MTBP: variants seen among roughly 807,000 people sequenced by gnomAD.
MTBP encodes the protein mdm2-binding protein.
In MTBP, 101 loss-of-function variants were observed where a neutral mutation model predicts 117.0. The ratio of observed to expected loss-of-function variants is 0.86; its 90% confidence interval spans 0.73 to 1.02. The LOEUF is 1.02. MTBP is among the 50% of genes least tolerant of loss of function. The pLI, the probability that MTBP is intolerant of heterozygous loss-of-function variation, is 0.00. For synonymous variants in MTBP, 350 were observed against 351.5 expected (o/e 1.00, Z 0.05); for missense variants, 970 against 1,030.9 (o/e 0.94, Z 0.81).
intron 11 of MTBP, among the ~76,000 whole-genome samples, chr8:120,482,293 T>G (rs889292256): frequency 1.3e-5 from 2 of 152,232 alleles, no homozygotes; most frequent in South Asian, 4.1e-4. Flanking sequence ...CTTTAGGCCT[T>G]TAATTCCTTA....
intron 14 of MTBP, among the ~76,000 whole-genome samples, chr8:120,501,872 A>G (rs1254794937): frequency 2.6e-5 from 4 of 152,180 alleles, no homozygotes; most frequent in African/African-American, 9.7e-5. Flanking sequence ...AGCAATCTCA[A>G]TATAGTTCAC....
At chr8:120,514,815 T>C (rs11996999) in intron 17 of MTBP, among the ~76,000 whole-genome samples, 2,189 of 152,134 alleles carry the variant, frequency 0.014, 45 homozygotes, top group African/African-American at 0.051. Flanking sequence ...CAAGAAATTA[T>C]CACAATAGCT....
rs747531865 is a variant in MTBP at position 120,497,425 on chromosome 8, G to A, written c.1480G>A (p.Val494Ile). 68 of 1,605,824 alleles carry A rather than the reference G, an allele frequency of 4.2e-5. No homozygotes were observed. The highest frequency in any genetic ancestry group is 3.1e-4 in the Admixed American group (18 of 58,280). The change falls in exon 14 of 22, where the codon GTT (valine) becomes ATT (isoleucine). Residue 494 changes from valine (V) to isoleucine (I), a missense_variant. Coordinates refer to ENST00000305949, the MANE Select transcript of MTBP (RefSeq NM_022045.5). ...RRKLAKQPET[V>I]SVAELKSLLV... ...AAAGTTGGCAAAGCAGCCTGAAACAGTTTCTGTTGCTGAACTCAAAAGTCT... is the reference window on the plus strand; with the variant it reads ...AAAGTTGGCAAAGCAGCCTGAAACAATTTCTGTTGCTGAACTCAAAAGTCT...
chr8:120,458,324 T>A (rs1304653545), intron 7 of MTBP, among the ~76,000 whole-genome samples: 1 of 152,216 alleles, frequency 6.6e-6, no homozygotes, highest in African/African-American at 2.4e-5. Flanking sequence ...GTTGTCTTCA[T>A]CTGTAAGATG....
chr8:120,460,991 T>C (rs1327504048), intron 8 of MTBP, among the ~76,000 whole-genome samples, 170 bp from the exon 9 acceptor site: 1 of 152,192 alleles, frequency 6.6e-6, no homozygotes, highest in Non-Finnish European at 1.5e-5. Flanking sequence ...AAAGGTAGAA[T>C]TGAAATTGAA....
chr8:120,455,977 A>G (rs1333090967), intron 6 of MTBP, among the ~76,000 whole-genome samples: 1 of 152,186 alleles, frequency 6.6e-6, no homozygotes, highest in Admixed American at 6.5e-5. Flanking sequence ...GTATATTACA[A>G]TTTTGATCCT....
At chr8:120,450,199 G>A (rs1813309833) in intron 2 of MTBP, among the ~76,000 whole-genome samples, 1 of 152,110 alleles carries the variant, frequency 6.6e-6, no homozygotes, top group Non-Finnish European at 1.5e-5. Context: ...GAATTAGAAG[G>A]ACAGTGCTTC....
At chr8:120,493,536 G>A (rs767236738) in intron 13 of MTBP, among the ~76,000 whole-genome samples, 17 of 151,574 alleles carry the variant, frequency 1.1e-4, no homozygotes, top group Non-Finnish European at 2.1e-4. Context: ...TGTCACCCAG[G>A]CTGGAGTGCA....
At chr8:120,452,584 A>G (rs1478881772) in intron 4 of MTBP, 3 of 152,314 alleles carry the variant, frequency 2.0e-5, no homozygotes, top group Admixed American at 6.5e-5. Context: ...TAATCCCAGC[A>G]CTTTGGGAGG....
chr8:120,517,127 A>T (rs1024216403), intron 18 of MTBP, among the ~76,000 whole-genome samples: 1 of 151,964 alleles, frequency 6.6e-6, no homozygotes, highest in Non-Finnish European at 1.5e-5. Context: ...GGGCTATAAG[A>T]CCCTATCTTG....
intron 13 of MTBP, 46 bp from the exon 14 acceptor site, chr8:120,497,346 GC>G: frequency 6.6e-7 from 1 of 1,507,038 alleles, no homozygotes. Flanking sequence ...TAGTAGATGA[GC>G]TCCAGAGAAT....
At chr8:120,478,238 T>C (rs912299434) in intron 11 of MTBP, among the ~76,000 whole-genome samples, 8 of 151,766 alleles carry the variant, frequency 5.3e-5, no homozygotes, top group Non-Finnish European at 1.2e-4. Context: ...GAACATCACA[T>C]ACTGGGGCCT....
intron 11 of MTBP, among the ~76,000 whole-genome samples, chr8:120,479,167 A>T (rs1192526635): frequency 6.6e-6 from 1 of 152,246 alleles, no homozygotes; most frequent in African/African-American, 2.4e-5. Flanking sequence ...GAAGTTGTGT[A>T]CTATGTTCAC....
intron 13 of MTBP, 111 bp from the exon 14 acceptor site, chr8:120,497,282 A>G (rs1342317740): frequency 1.1e-6 from 1 of 947,898 alleles, no homozygotes; most frequent in Non-Finnish European, 1.6e-6. Context: ...AGGAATGTTG[A>G]TTTACTAGAG....
At chr8:120,491,310 G>A (rs1466647108) in intron 13 of MTBP, among the ~76,000 whole-genome samples, 1 of 151,906 alleles carries the variant, frequency 6.6e-6, no homozygotes, top group East Asian at 1.9e-4. Flanking sequence ...CTTTAAAAAC[G>A]TATTTAAAAA....
intron 4 of MTBP, among the ~76,000 whole-genome samples, chr8:120,453,012 A>G (rs1563783385): frequency 6.6e-6 from 1 of 152,140 alleles, no homozygotes; most frequent in Non-Finnish European, 1.5e-5. Context: ...TTTTTTGAGA[A>G]AAAAATTGCA....
chr8:120,447,457 T>C (rs1813251611), intron 2 of MTBP, among the ~76,000 whole-genome samples: 1 of 151,990 alleles, frequency 6.6e-6, no homozygotes, highest in Non-Finnish European at 1.5e-5. Flanking sequence ...ACCTCAAATG[T>C]ATATGTAAAA....
chr8:120,472,857 C>T (rs187199361), intron 11 of MTBP: 1 of 152,268 alleles, frequency 6.6e-6, no homozygotes, highest in African/African-American at 2.4e-5. Context: ...AAAAAGTCTA[C>T]CATAGGTGCC....
intron 17 of MTBP, among the ~76,000 whole-genome samples, chr8:120,510,246 A>G (rs1333403427): frequency 6.6e-6 from 1 of 152,196 alleles, no homozygotes. Context: ...GCATCCTATT[A>G]TTAGTTACTA....
Sources: allele counts gnomAD v4.1 joint callset (sites outside exome capture counted in the v4.1 genomes callset), GRCh38; gene constraint gnomAD v4.1.1; transcripts MANE v1.5; gene names NCBI Gene and HGNC (gene_info 2026-07-23, HGNC 2026-07-21).